Variants in GAB1 observed in about 807,000 individuals in gnomAD.
GAB1 encodes GRB2 associated binding protein 1.
GAB1 carries 19 observed loss-of-function variants against 66.5 expected under a neutral mutation model. The observed-to-expected ratio is 0.29, with a 90% CI of 0.20 to 0.42. The LOEUF (loss-of-function observed/expected upper bound fraction) is 0.42, where lower values mean the gene tolerates loss of function less well. GAB1 is among the 10% of genes least tolerant of loss of function. GAB1 has a pLI of 1.00. For missense variants in GAB1, 732 were observed against 858.5 expected (o/e 0.85, Z 1.84); for synonymous variants, 294 against 301.4 (o/e 0.98, Z 0.25).
intron 3 of GAB1, among the ~76,000 whole-genome samples, chr4:143,434,354 C>T (rs1046223405): frequency 3.4e-5 from 5 of 148,992 alleles, no homozygotes; most frequent in Non-Finnish European, 4.5e-5. Context: ...TACCCTAAGC[C>T]TTTTTATTTA....
At chr4:143,396,057 G>C (rs1731437506) in intron 1 of GAB1, 1 of 447,230 alleles carries the variant, frequency 2.2e-6, no homozygotes, top group Non-Finnish European at 4.5e-6. Flanking sequence ...AAGTGTAATG[G>C]GAGGCTTGGG....
At chr4:143,448,342 A>G (rs1049821928) in intron 6 of GAB1, among the ~76,000 whole-genome samples, 1 of 151,714 alleles carries the variant, frequency 6.6e-6, no homozygotes, top group African/African-American at 2.4e-5. Flanking sequence ...TTTTCTATTG[A>G]TTGGAATAGT....
At chr4:143,423,364 C>T (rs1733123704) in intron 2 of GAB1, among the ~76,000 whole-genome samples, 2 of 152,132 alleles carry the variant, frequency 1.3e-5, no homozygotes, top group Non-Finnish European at 2.9e-5. Context: ...TGCTAGCAAA[C>T]ATAATGAAAG....
At chr4:143,409,224 AG>A (rs1283000359) in intron 1 of GAB1, among the ~76,000 whole-genome samples, 2 of 152,180 alleles carry the variant, frequency 1.3e-5, no homozygotes, top group Non-Finnish European at 2.9e-5. Context: ...GAGGGAAATA[AG>A]GTATTTCAGA....
chr4:143,389,363 A>G (rs1731074046), intron 1 of GAB1, among the ~76,000 whole-genome samples: 1 of 152,222 alleles, frequency 6.6e-6, no homozygotes, highest in African/African-American at 2.4e-5. Context: ...AAGCAGATGG[A>G]TGAGCATGAA....
At chr4:143,359,784 G>A (rs1373154511) in intron 1 of GAB1, among the ~76,000 whole-genome samples, 3 of 152,228 alleles carry the variant, frequency 2.0e-5, no homozygotes, top group Admixed American at 6.5e-5. Flanking sequence ...GGGGTTGCCA[G>A]TGGCAAAGGG....
intron 1 of GAB1, among the ~76,000 whole-genome samples, chr4:143,354,941 A>T (rs1729383354): frequency 6.6e-6 from 1 of 152,204 alleles, no homozygotes; most frequent in Non-Finnish European, 1.5e-5. Flanking sequence ...AGTGAAATTG[A>T]AACATAGATA....
chr4:143,356,687 A>T (rs1729460782), intron 1 of GAB1, among the ~76,000 whole-genome samples: 1 of 152,148 alleles, frequency 6.6e-6, no homozygotes, highest in Non-Finnish European at 1.5e-5. Flanking sequence ...AAAGAAAGGG[A>T]GGGTTGGGTT....
intron 1 of GAB1, among the ~76,000 whole-genome samples, chr4:143,381,609 A>G (rs1730661704): frequency 6.6e-6 from 1 of 152,216 alleles, no homozygotes; most frequent in African/African-American, 2.4e-5. Context: ...CTTAATTGAT[A>G]TAAAGTGCTT....
intron 6 of GAB1, among the ~76,000 whole-genome samples, chr4:143,458,786 C>T (rs1181920089): frequency 1.3e-5 from 2 of 151,742 alleles, no homozygotes; most frequent in African/African-American, 4.8e-5. Flanking sequence ...TAATTATGGC[C>T]TTTTTTCAGA....
rs1225177712 is a variant in GAB1 at position 143,437,979 on chromosome 4, CAT to C, written c.594-19_594-18del. ...TTAGTCTCCACCTTGTTTATTCTGT[CAT>C]TAACAATTTTTATTTAGAACGCATG... On this transcript the variant is annotated intron_variant, in intron 3 of 9. Transcript: ENST00000262994. The C allele has an allele frequency of 1.3e-6, 2 of 1,594,980 alleles. No homozygotes were observed. Among genetic ancestry groups the C allele is most frequent in the Admixed American group, 1.7e-5 (1 of 57,934 alleles).
chr4:143,369,584 A>G (rs890615643), intron 1 of GAB1, among the ~76,000 whole-genome samples: 1 of 152,248 alleles, frequency 6.6e-6, no homozygotes, highest in African/African-American at 2.4e-5. Context: ...TTGCTGTTTT[A>G]TAAACTCATA....
At chr4:143,341,678 T>C (rs1472094261) in intron 1 of GAB1, among the ~76,000 whole-genome samples, 1 of 152,180 alleles carries the variant, frequency 6.6e-6, no homozygotes, top group African/African-American at 2.4e-5. Flanking sequence ...ACAACTCTTG[T>C]CTGGACTTCA....
chr4:143,409,126 G>A (rs1444773640), intron 1 of GAB1, among the ~76,000 whole-genome samples: 4 of 152,218 alleles, frequency 2.6e-5, no homozygotes, highest in Admixed American at 6.5e-5. Context: ...AGGAACAGGA[G>A]CTGATGCCTT....
intron 6 of GAB1, among the ~76,000 whole-genome samples, chr4:143,451,833 C>T (rs1734945505): frequency 6.6e-6 from 1 of 151,700 alleles, no homozygotes; most frequent in Non-Finnish European, 1.5e-5. Flanking sequence ...AAGCGGAACT[C>T]ATACAGCCAT....
At chr4:143,365,985 AT>A (rs1253340104) in intron 1 of GAB1, among the ~76,000 whole-genome samples, 6 of 152,330 alleles carry the variant, frequency 3.9e-5, no homozygotes, top group African/African-American at 1.2e-4. Context: ...ATTAAAATGA[AT>A]TTCATTCATC....
intron 2 of GAB1, among the ~76,000 whole-genome samples, chr4:143,420,725 C>T (rs1732966130): frequency 6.6e-6 from 1 of 152,006 alleles, no homozygotes; most frequent in Non-Finnish European, 1.5e-5. Context: ...AAAGTTGCCT[C>T]TGAGTTGCTT....
intron 3 of GAB1, among the ~76,000 whole-genome samples, chr4:143,436,232 GGGAAA>G (rs1328803099): frequency 6.6e-6 from 1 of 152,180 alleles, no homozygotes; most frequent in African/African-American, 2.4e-5. Flanking sequence ...AATAGCTTGA[GGGAAA>G]GGAGAGATGT....
intron 6 of GAB1, among the ~76,000 whole-genome samples, chr4:143,458,257 T>G (rs75260998): frequency 0.036 from 5,457 of 152,246 alleles, 330 homozygotes; most frequent in African/African-American, 0.12. Flanking sequence ...TTCTGTATGT[T>G]TCTATTTTAA....
Sources: gnomAD v4.1 joint callset for allele counts (sites outside exome capture counted in the v4.1 genomes callset) on GRCh38, gnomAD v4.1.1 for gene constraint, MANE v1.5 for transcripts, NCBI Gene and HGNC (gene_info 2026-07-23, HGNC 2026-07-21) for gene names.